MYT1L: variants seen among roughly 807,000 people sequenced by gnomAD.
The protein encoded by MYT1L is myelin transcription factor 1-like protein.
Under a neutral mutation model 126.7 loss-of-function variants are expected in MYT1L, and 12 were observed. That is an observed-to-expected ratio of 0.09 (90% CI 0.06 to 0.15). The LOEUF (loss-of-function observed/expected upper bound fraction) is 0.15, where lower values mean the gene tolerates loss of function less well. Ranked by LOEUF, MYT1L falls within the 10% of genes least tolerant of loss-of-function variation. The pLI is 1.00. For synonymous variants in MYT1L, 541 were observed against 604.2 expected (o/e 0.90, Z 1.53); for missense variants, 979 against 1,585.2 (o/e 0.62, Z 6.49).
intron 2 of MYT1L, among the ~76,000 whole-genome samples, chr2:2,173,433 G>C (rs1173982868): frequency 2.0e-5 from 3 of 152,180 alleles, no homozygotes; most frequent in Non-Finnish European, 4.4e-5. Flanking sequence ...ATAGTTTGCT[G>C]ATGACAAGGC....
chr2:1,920,623 C>G (rs1220772944), intron 10 of MYT1L, among the ~76,000 whole-genome samples: 1 of 152,196 alleles, frequency 6.6e-6, no homozygotes, highest in Non-Finnish European at 1.5e-5. Flanking sequence ...ATTTGTCCAA[C>G]TGAGCAATCA....
At chr2:2,217,720 G>T (rs79779905) in intron 2 of MYT1L, among the ~76,000 whole-genome samples, 3 of 113,146 alleles carry the variant, frequency 2.7e-5, no homozygotes, top group African/African-American at 3.5e-5. Context: ...AAAAAAAAAA[G>T]AAAGAAGGAA....
rs553131777 is a variant in MYT1L, at chr2:1,854,371, A to T, written c.2712-2668T>A. Among the ~76,000 whole-genome samples the T allele has an allele frequency of 3.3e-5, 5 of 152,284 alleles. No individual in the cohort carries two copies. In the South Asian group the frequency reaches 1.0e-3, roughly 32 times the overall value. ...GATTATGTAAAGAGATTAATGATAC[A>T]TATGGAGGGCTCTACCCAAGTCCGC... On this transcript the variant is annotated intron_variant, in intron 18 of 24. Coordinates refer to ENST00000647738, the MANE Select transcript of MYT1L (RefSeq NM_001303052.2).
At chr2:2,246,943 T>C (rs2094546394) in intron 2 of MYT1L, among the ~76,000 whole-genome samples, 1 of 152,192 alleles carries the variant, frequency 6.6e-6, no homozygotes, top group South Asian at 2.1e-4. Context: ...TGAGCACTGT[T>C]GTGACTTGGA....
At chr2:1,890,511 T>TA (rs993473200) in intron 15 of MYT1L, among the ~76,000 whole-genome samples, 44 of 151,486 alleles carry the variant, frequency 2.9e-4, no homozygotes, top group East Asian at 1.7e-3. Flanking sequence ...TCTACTGGCT[T>TA]AAAAAAAAAC....
chr2:2,279,776 T>A (rs1381468355), intron 2 of MYT1L, among the ~76,000 whole-genome samples: 1 of 152,230 alleles, frequency 6.6e-6, no homozygotes, highest in Non-Finnish European at 1.5e-5. Context: ...TAAGGGTTTT[T>A]AATGTATACC....
At chr2:1,797,275 C>T (rs1348629681) in intron 23 of MYT1L, among the ~76,000 whole-genome samples, 2 of 152,088 alleles carry the variant, frequency 1.3e-5, no homozygotes, top group African/African-American at 2.4e-5. Context: ...TTTCTTTTCC[C>T]GCCCATGGCG....
At chr2:2,189,802 A>C (rs1340039743) in intron 2 of MYT1L, among the ~76,000 whole-genome samples, 3 of 150,716 alleles carry the variant, frequency 2.0e-5, no homozygotes, top group African/African-American at 7.4e-5. Flanking sequence ...GCTCGTTCTC[A>C]GGACCGCACG....
chr2:1,872,841 A>G (rs2046433377), intron 18 of MYT1L, among the ~76,000 whole-genome samples: 1 of 152,272 alleles, frequency 6.6e-6, no homozygotes, highest in Non-Finnish European at 1.5e-5. Context: ...TATTCTAAGC[A>G]CGTTACAAAC....
intron 2 of MYT1L, among the ~76,000 whole-genome samples, chr2:2,184,887 C>T (rs1453859716): frequency 1.3e-5 from 2 of 152,200 alleles, no homozygotes; most frequent in Non-Finnish European, 2.9e-5. Context: ...GGCCGCAGCT[C>T]GGCACTTTAG....
chr2:2,326,211 A>C (rs891392382), intron 1 of MYT1L: 3 of 152,396 alleles, frequency 2.0e-5, no homozygotes, highest in African/African-American at 7.2e-5. Context: ...CCAGCCCACT[A>C]TCCACAGTGA....
At chr2:2,185,523 C>T (rs988736325) in intron 2 of MYT1L, among the ~76,000 whole-genome samples, 1 of 142,710 alleles carries the variant, frequency 7.0e-6, no homozygotes, top group Non-Finnish European at 1.5e-5. Context: ...GTCCCGCGTT[C>T]CTTCTGTGAG....
intron 2 of MYT1L, among the ~76,000 whole-genome samples, chr2:2,230,628 C>A (rs1234668954): frequency 1.3e-5 from 2 of 152,188 alleles, no homozygotes; most frequent in Admixed American, 6.5e-5. Context: ...CCAGACGCCA[C>A]GCTGTGGAAA....
At chr2:2,045,087 G>GC (rs1158853109) in intron 4 of MYT1L, among the ~76,000 whole-genome samples, 2 of 152,178 alleles carry the variant, frequency 1.3e-5, no homozygotes, top group African/African-American at 4.8e-5. Context: ...ACCAAGGGCA[G>GC]CCCCCACACT....
At chr2:1,931,504 A>G (rs2054982069) in intron 9 of MYT1L, among the ~76,000 whole-genome samples, 1 of 146,134 alleles carries the variant, frequency 6.8e-6, no homozygotes, top group Admixed American at 6.9e-5. Flanking sequence ...CCTTCCAAGT[A>G]CTTCCTCCAC....
intron 23 of MYT1L, among the ~76,000 whole-genome samples, chr2:1,799,427 G>A (rs934341109): frequency 1.3e-5 from 2 of 152,216 alleles, no homozygotes; most frequent in Non-Finnish European, 2.9e-5. Context: ...GCCCTCGGCT[G>A]AGCCCCAGCC....
At chr2:1,875,273 C>T (rs2046767828) in intron 18 of MYT1L, among the ~76,000 whole-genome samples, 1 of 152,060 alleles carries the variant, frequency 6.6e-6, no homozygotes, top group Non-Finnish European at 1.5e-5. Flanking sequence ...TAGAGAGTCG[C>T]ACATTGTGCT....
chr2:2,097,741 A>G (rs913784452), intron 3 of MYT1L, among the ~76,000 whole-genome samples: 1 of 152,158 alleles, frequency 6.6e-6, no homozygotes, highest in Admixed American at 6.5e-5. Flanking sequence ...GCCGGTACTC[A>G]TCGGGTATAT....
At chr2:2,297,241 G>A (rs1452106690) in intron 1 of MYT1L, among the ~76,000 whole-genome samples, 1 of 152,236 alleles carries the variant, frequency 6.6e-6, no homozygotes, top group East Asian at 1.9e-4. Context: ...GACCCTCGGA[G>A]GTTTTGAAAA....
Sources: gnomAD v4.1 joint callset for allele counts (sites outside exome capture counted in the v4.1 genomes callset) on GRCh38, gnomAD v4.1.1 for gene constraint, MANE v1.5 for transcripts, NCBI Gene and HGNC (gene_info 2026-07-23, HGNC 2026-07-21) for gene names.